FRMD6: variants seen among roughly 807,000 people sequenced by gnomAD.
FRMD6 encodes the protein FERM domain containing 6.
FRMD6 carries 37 observed loss-of-function variants against 73.2 expected under a neutral mutation model. The ratio of observed to expected loss-of-function variants is 0.51; its 90% CI spans 0.39 to 0.66. The LOEUF (loss-of-function observed/expected upper bound fraction) is 0.66, where lower values mean the gene tolerates loss of function less well. FRMD6 is among the 30% of genes least tolerant of loss of function. FRMD6 has a pLI of 0.00. For missense variants in FRMD6, 714 were observed against 780.5 expected (o/e 0.91, Z 1.02); for synonymous variants, 273 against 282.2 (o/e 0.97, Z 0.33).
At chr14:51,631,755 A>G (rs998686912) in intron 2 of FRMD6, among the ~76,000 whole-genome samples, 1 of 152,244 alleles carries the variant, frequency 6.6e-6, no homozygotes, top group Admixed American at 6.5e-5. Context: ...CTCAGCTCGT[A>G]TCATGTATTT....
At chr14:51,415,348 G>A in the FRMD6 span, among the ~76,000 whole-genome samples, 1 of 152,158 alleles carries the variant, frequency 6.6e-6, no homozygotes, top group Non-Finnish European at 1.5e-5. Context: ...CTATTTTATT[G>A]AGAATTTTTA....
the FRMD6 span, among the ~76,000 whole-genome samples, chr14:51,442,987 G>T: frequency 6.6e-6 from 1 of 152,088 alleles, no homozygotes; most frequent in African/African-American, 2.4e-5. Flanking sequence ...TTGGATTCCT[G>T]GTGCATAAAT....
chr14:51,399,615 A>T, the FRMD6 span, among the ~76,000 whole-genome samples: 1 of 152,210 alleles, frequency 6.6e-6, no homozygotes, highest in Non-Finnish European at 1.5e-5. Context: ...TGAAATTATT[A>T]TATCACAATA....
At chr14:51,621,345 T>C (rs1291092019) in intron 2 of FRMD6, among the ~76,000 whole-genome samples, 1 of 152,170 alleles carries the variant, frequency 6.6e-6, no homozygotes, top group Non-Finnish European at 1.5e-5. Flanking sequence ...ATGGAGCTTT[T>C]CGGCTTAGCT....
the FRMD6 span, among the ~76,000 whole-genome samples, chr14:51,431,348 G>C: frequency 6.6e-6 from 1 of 152,116 alleles, no homozygotes; most frequent in Non-Finnish European, 1.5e-5. Flanking sequence ...AACAGAAATT[G>C]TTTTCCATAA....
At chr14:51,642,923 T>C (rs563249941) in intron 2 of FRMD6, among the ~76,000 whole-genome samples, 1 of 151,958 alleles carries the variant, frequency 6.6e-6, no homozygotes, top group African/African-American at 2.4e-5. Context: ...AGAGCTTTGG[T>C]AGGAGGAGAT....
the FRMD6 span, among the ~76,000 whole-genome samples, chr14:51,429,677 T>C: frequency 2.6e-5 from 4 of 152,176 alleles, no homozygotes; most frequent in Non-Finnish European, 4.4e-5. Flanking sequence ...TGAGGAAAAC[T>C]TGACAAAGTC....
intron 1 of FRMD6, among the ~76,000 whole-genome samples, chr14:51,526,160 C>G (rs538915442): frequency 6.6e-6 from 1 of 152,304 alleles, no homozygotes; most frequent in East Asian, 1.9e-4. Flanking sequence ...AGCCTGAACT[C>G]TAAACAGCTG....
rs538550990 is a variant in FRMD6, at chr14:51,662,768, T to G, written c.-147+10772T>G. ...TTACTGATGAAGACAGCAAAAGCAA[T>G]TGCAACAAAGGCAAAAATGGACAAA... On this transcript the variant is annotated intron_variant, in intron 1 of 13. Coordinates refer to ENST00000344768, the MANE Select transcript of FRMD6 (RefSeq NM_001267046.2). Among the ~76,000 whole-genome samples, 10 of 152,148 alleles carry G rather than the reference T, an allele frequency of 6.6e-5. No individual in the cohort carries two copies. The East Asian group carries it at 1.9e-3, about 29-fold the overall frequency.
chr14:51,651,058 T>A (rs1327256133), upstream of FRMD6: 1 of 152,794 alleles, frequency 6.5e-6, no homozygotes, highest in Non-Finnish European at 1.5e-5. Context: ...GAAACCTCCA[T>A]CTCCTGGCTT....
the FRMD6 span, among the ~76,000 whole-genome samples, chr14:51,471,092 A>G: frequency 3.3e-5 from 5 of 152,216 alleles, no homozygotes; most frequent in East Asian, 9.6e-4. Context: ...GGGTTCTAAA[A>G]TCACCTGATA....
the FRMD6 span, among the ~76,000 whole-genome samples, chr14:51,437,173 C>T: frequency 1.3e-5 from 2 of 152,032 alleles, no homozygotes; most frequent in South Asian, 4.2e-4. Flanking sequence ...GTGTGATGTT[C>T]CCTGCCCTGT....
chr14:51,569,149 A>T (rs577998254), intron 1 of FRMD6, among the ~76,000 whole-genome samples: 1 of 152,288 alleles, frequency 6.6e-6, no homozygotes, highest in Non-Finnish European at 1.5e-5. Context: ...CCCAGCCAGA[A>T]AGGCTTTTAC....
At chr14:51,649,077 T>C (rs1176357733), upstream of FRMD6, among the ~76,000 whole-genome samples, 1 of 152,214 alleles carries the variant, frequency 6.6e-6, no homozygotes, top group Non-Finnish European at 1.5e-5. Context: ...TTTTAAACGT[T>C]TTCTGTGATA....
intron 2 of FRMD6, among the ~76,000 whole-genome samples, chr14:51,640,802 G>A (rs1891774855): frequency 6.6e-6 from 1 of 152,028 alleles, no homozygotes; most frequent in East Asian, 1.9e-4. Flanking sequence ...TTTGGCAGTA[G>A]CTATTTGTTT....
In FRMD6 at chr14:51,651,957, C is replaced by G. The variant is rs1391840386; in HGVS notation, c.-186C>G. ...CCGGTAGGAAGAGTCAGAGGGGTGA[C>G]CAGAGAGCCCAACGCCTGGTGCTCA... On this transcript the variant is annotated 5_prime_UTR_variant, in exon 1 of 14. Transcript: ENST00000344768. 6.6e-6 allele frequency: 1 copy of G among 152,152 alleles called. No individual in the cohort carries two copies. The highest frequency in any genetic ancestry group is 1.9e-4 in the East Asian group (1 of 5,164). 9.4% of individuals were successfully genotyped at this position (152,152 alleles called of 1,614,324 possible). A position where few individuals can be genotyped will look rare whatever the true frequency, so the allele number is the denominator to read the frequency against.
chr14:51,399,434 G>C, the FRMD6 span, among the ~76,000 whole-genome samples: 1 of 152,156 alleles, frequency 6.6e-6, no homozygotes, highest in Non-Finnish European at 1.5e-5. Context: ...AGATACATGA[G>C]TGCCTAGTAA....
intron 1 of FRMD6, among the ~76,000 whole-genome samples, chr14:51,679,216 A>G (rs1209938169): frequency 6.6e-6 from 1 of 152,150 alleles, no homozygotes; most frequent in Non-Finnish European, 1.5e-5. Context: ...GTGAGGTTGT[A>G]TAGTAGAGAA....
At chr14:51,580,738 A>G (rs1888674965) in intron 2 of FRMD6, among the ~76,000 whole-genome samples, 1 of 152,232 alleles carries the variant, frequency 6.6e-6, no homozygotes, top group Admixed American at 6.5e-5. Context: ...TAATGGGTAA[A>G]GAGGAAAGAT....
Sources: gnomAD v4.1 joint callset for allele counts (sites outside exome capture counted in the v4.1 genomes callset) on GRCh38, gnomAD v4.1.1 for gene constraint, MANE v1.5 for transcripts, NCBI Gene and HGNC (gene_info 2026-07-23, HGNC 2026-07-21) for gene names.